The following SIPA1L2 variants were observed in gnomAD, a reference collection of about 807,000 sequenced individuals.
SIPA1L2 encodes the protein signal-induced proliferation-associated 1-like protein 2.
Under a neutral mutation model 163.9 loss-of-function variants are expected in SIPA1L2, and 56 were observed. The observed-to-expected ratio is 0.34, with a 90% CI of 0.28 to 0.43. The LOEUF (loss-of-function observed/expected upper bound fraction) is 0.43. Ranked by LOEUF, SIPA1L2 falls within the 20% of genes least tolerant of loss-of-function variation. The pLI, the probability that SIPA1L2 is intolerant of heterozygous loss-of-function variation, is 1.00. For synonymous variants in SIPA1L2, 877 were observed against 865.7 expected (o/e 1.01, Z -0.23); for missense variants, 1,974 against 2,193.5 (o/e 0.90, Z 2.00).
chr1:232,484,070 G>A (rs1665522307), intron 5 of SIPA1L2, 104 bp from the exon 6 acceptor site: 9 of 1,086,034 alleles, frequency 8.3e-6, no homozygotes, highest in Non-Finnish European at 1.2e-5. Context: ...AGGAAAGCAT[G>A]CCAGAACAAT....
rs942108904 is a variant in SIPA1L2, at chr1:232,398,083, C to G, written c.*1044G>C. ...CAATGTGTTACTAGCAGCATCCAGT[C>G]GTTAGAATCTCTCACCCTGCTTCTC... On this transcript the variant is annotated 3_prime_UTR_variant, in exon 23 of 23. Coordinates refer to ENST00000674635, the MANE Select transcript of SIPA1L2 (RefSeq NM_020808.5). 6.6e-6 allele frequency: 1 copy of G among 152,616 alleles called. No individual in the cohort carries two copies. Among genetic ancestry groups the G allele is most frequent in the African/African-American group, 2.4e-5 (1 of 41,440 alleles). 9.5% of individuals were successfully genotyped at this position (152,616 alleles called of 1,614,324 possible). A position where few individuals can be genotyped will look rare whatever the true frequency, so the allele number is the denominator to read the frequency against.
intron 1 of SIPA1L2, among the ~76,000 whole-genome samples, chr1:232,574,951 T>G (rs1434803618): frequency 6.6e-6 from 1 of 152,212 alleles, no homozygotes; most frequent in Non-Finnish European, 1.5e-5. Flanking sequence ...TTGAGGAAAC[T>G]GGCACTCAAG....
intron 6 of SIPA1L2, among the ~76,000 whole-genome samples, chr1:232,482,340 A>G (rs1423609467): frequency 2.0e-5 from 3 of 152,170 alleles, no homozygotes; most frequent in Non-Finnish European, 4.4e-5. Flanking sequence ...AATCACAGTA[A>G]TAAGAGTTCA....
At chr1:232,603,454 G>A (rs56308820) in intron 1 of SIPA1L2, among the ~76,000 whole-genome samples, 24,192 of 152,136 alleles carry the variant, frequency 0.16, 2,417 homozygotes, top group Middle Eastern at 0.3. Context: ...ACGACCAGGG[G>A]AGGGAGGAGA....
intron 2 of SIPA1L2, among the ~76,000 whole-genome samples, chr1:232,555,613 T>C (rs887367722): frequency 2.2e-4 from 34 of 152,242 alleles, no homozygotes; most frequent in African/African-American, 8.2e-4. Context: ...CAGCCAAATG[T>C]AATCTAATAA....
chr1:232,494,170 T>A (rs1400071085), intron 3 of SIPA1L2, among the ~76,000 whole-genome samples: 1 of 152,226 alleles, frequency 6.6e-6, no homozygotes, highest in African/African-American at 2.4e-5. Context: ...TAAAACAGCA[T>A]AATGTTTATA....
intron 2 of SIPA1L2, among the ~76,000 whole-genome samples, chr1:232,567,825 G>A (rs1019817909): frequency 5.3e-5 from 8 of 152,228 alleles, no homozygotes; most frequent in Non-Finnish European, 1.2e-4. Context: ...TCGGAGGGTT[G>A]GGACTTTCTG....
intron 2 of SIPA1L2, among the ~76,000 whole-genome samples, chr1:232,536,925 A>G (rs149917865): frequency 8.4e-4 from 128 of 152,346 alleles, no homozygotes; most frequent in African/African-American, 3.0e-3. Flanking sequence ...ATTCTTTTCT[A>G]TACCACATCA....
intron 17 of SIPA1L2, among the ~76,000 whole-genome samples, chr1:232,426,335 G>A (rs906639069): frequency 6.6e-6 from 1 of 152,164 alleles, no homozygotes; most frequent in Non-Finnish European, 1.5e-5. Context: ...AAAATCAGCA[G>A]CAGTCCAATA....
chr1:232,498,284 AG>A (rs1666298791), intron 3 of SIPA1L2, among the ~76,000 whole-genome samples: 1 of 152,238 alleles, frequency 6.6e-6, no homozygotes, highest in Non-Finnish European at 1.5e-5. Flanking sequence ...ATTTCATGCC[AG>A]GAAGTGATAA....
intron 18 of SIPA1L2, among the ~76,000 whole-genome samples, chr1:232,425,096 C>T (rs556475351): frequency 4.6e-5 from 7 of 152,232 alleles, no homozygotes; most frequent in East Asian, 1.9e-4. Flanking sequence ...AACACAAAGC[C>T]GCCCACGGGT....
intron 18 of SIPA1L2, among the ~76,000 whole-genome samples, chr1:232,424,950 A>G (rs1249646108): frequency 2.0e-5 from 3 of 152,234 alleles, no homozygotes; most frequent in Non-Finnish European, 4.4e-5. Context: ...ACTGACATTA[A>G]TGAAGACTTG....
At chr1:232,521,147 C>T (rs1265121350) in intron 2 of SIPA1L2, among the ~76,000 whole-genome samples, 1 of 152,132 alleles carries the variant, frequency 6.6e-6, no homozygotes, top group Non-Finnish European at 1.5e-5. Flanking sequence ...AACATGAGAA[C>T]ATAAAAACCA....
intron 2 of SIPA1L2, among the ~76,000 whole-genome samples, chr1:232,516,899 T>C (rs528346212): frequency 6.6e-6 from 1 of 152,182 alleles, no homozygotes; most frequent in African/African-American, 2.4e-5. Context: ...CTTCTGCCAA[T>C]GAGTAATATA....
chr1:232,451,631 C>A (rs539392437), intron 10 of SIPA1L2, among the ~76,000 whole-genome samples: 2 of 152,318 alleles, frequency 1.3e-5, no homozygotes, highest in South Asian at 4.1e-4. Context: ...CATTGATACA[C>A]ATGCTTGGCT....
chr1:232,456,089 C>A (rs1663898815), intron 10 of SIPA1L2, among the ~76,000 whole-genome samples: 1 of 151,950 alleles, frequency 6.6e-6, no homozygotes, highest in Non-Finnish European at 1.5e-5. Context: ...CACATGTACC[C>A]CTTGAACCTA....
At chr1:232,620,587 G>A (rs909863892) in intron 1 of SIPA1L2, among the ~76,000 whole-genome samples, 1 of 152,168 alleles carries the variant, frequency 6.6e-6, no homozygotes, top group African/African-American at 2.4e-5. Context: ...GATGAATTTA[G>A]AAAGCTTCAC....
chr1:232,468,952 T>C (rs540484460), intron 8 of SIPA1L2, among the ~76,000 whole-genome samples: 84 of 152,226 alleles, frequency 5.5e-4, no homozygotes, highest in Non-Finnish European at 9.7e-4. Flanking sequence ...TCTGGGGGTG[T>C]TGCCTCATTT....
chr1:232,453,987 A>G (rs1265282621), intron 10 of SIPA1L2, among the ~76,000 whole-genome samples: 1 of 152,200 alleles, frequency 6.6e-6, no homozygotes, highest in Non-Finnish European at 1.5e-5. Flanking sequence ...GCTAATAGCT[A>G]AAATACTCCA....
Sources: gnomAD v4.1 joint callset for allele counts (sites outside exome capture counted in the v4.1 genomes callset) on GRCh38, gnomAD v4.1.1 for gene constraint, MANE v1.5 for transcripts, NCBI Gene and HGNC (gene_info 2026-07-23, HGNC 2026-07-21) for gene names.